RADIL: variants seen among roughly 807,000 people sequenced by gnomAD.
RADIL encodes the protein ras-associating and dilute domain-containing protein.
A neutral mutation model predicts 97.6 loss-of-function variants in RADIL; 99 were observed. That is an observed-to-expected ratio of 1.01 (90% confidence interval 0.86 to 1.20). RADIL has a LOEUF of 1.20. Ranked by LOEUF, RADIL falls within the 50% of genes most tolerant of loss-of-function variation. RADIL has a pLI of 0.00. For synonymous variants in RADIL, 803 were observed against 691.8 expected, an observed-to-expected ratio of 1.16 and a Z score of -2.52; for missense variants, 1,765 against 1,498.9, an observed-to-expected ratio of 1.18 and a Z score of -2.93.
At chr7:4,816,502 C>T (rs191075938) in intron 7 of RADIL, 37 bp from the exon 8 acceptor site, 1 of 1,560,996 alleles carries the variant, frequency 6.4e-7, no homozygotes, top group East Asian at 2.3e-5. Flanking sequence ...ACCAGCATTT[C>T]CAGGAGCGCT....
At chr7:4,857,958 T>C (rs1783874027) in intron 2 of RADIL, 1 of 152,634 alleles carries the variant, frequency 6.6e-6, no homozygotes, top group South Asian at 2.1e-4. Context: ...TTACAGGTAA[T>C]GTTTAATAAA....
chr7:4,847,739 CAAAAAAAAAAAAA>C (rs56177809), intron 2 of RADIL, among the ~76,000 whole-genome samples: 4 of 23,794 alleles, frequency 1.7e-4, no homozygotes, highest in African/African-American at 6.3e-4. Flanking sequence ...AAGCTAGATG[CAAAAAAAAAAAAA>C]AAAAAAAAAA....
At chr7:4,809,727 G>A (rs1412543453) in intron 9 of RADIL, 2 of 773,436 alleles carry the variant, frequency 2.6e-6, no homozygotes, top group Admixed American at 6.2e-5. Flanking sequence ...CTGTCGCCCA[G>A]GCCGGAGTGC....
At chr7:4,806,075 T>C (rs564038786) in intron 9 of RADIL, 1 of 984,702 alleles carries the variant, frequency 1.0e-6, no homozygotes, top group Admixed American at 6.1e-5. Context: ...AAGAAATCAA[T>C]CAAGTCGGCT....
rs1353604132 is a variant in RADIL at position 4,797,835 on chromosome 7, A to T, written c.*1543T>A. The stretch of plus-strand genomic sequence containing the variant: ...CTCTACTAAAAGTACTAAATTAGCC[A>T]AGCGTGGTGGCAGGCGCCTGTAATC... On this transcript the variant is annotated 3_prime_UTR_variant, in exon 15 of 15. Transcript: ENST00000399583. 1.3e-5 allele frequency: 2 copies of T among 152,010 alleles called. No individual in the cohort carries two copies. The highest frequency in any genetic ancestry group is 2.9e-5 in the Non-Finnish European group (2 of 68,008). 9.4% of individuals were successfully genotyped at this position (152,010 alleles called of 1,614,324 possible).
chr7:4,865,053 C>G (rs918690931), intron 2 of RADIL, among the ~76,000 whole-genome samples: 3 of 152,242 alleles, frequency 2.0e-5, no homozygotes, highest in African/African-American at 7.2e-5. Flanking sequence ...TTCATTCTCT[C>G]TCATCCCTGG....
intron 5 of RADIL, among the ~76,000 whole-genome samples, chr7:4,827,189 A>G (rs746406776): frequency 5.3e-5 from 8 of 151,572 alleles, no homozygotes; most frequent in Non-Finnish European, 1.0e-4. Context: ...ACATGGTGAA[A>G]CCCCGTCTTT....
intron 13 of RADIL, 67 bp downstream of exon 13, chr7:4,800,104 G>GGCTTGCATGAACAGGCGGGGCCAT: frequency 6.5e-7 from 1 of 1,545,458 alleles, no homozygotes; most frequent in Non-Finnish European, 8.6e-7. Context: ...GCTGCGGCCA[G>GGCTTGCATGAACAGGCGGGGCCAT]GCTTGCATGA....
chr7:4,876,689 C>G (rs113271098), intron 2 of RADIL, among the ~76,000 whole-genome samples: 336 of 152,362 alleles, frequency 2.2e-3, no homozygotes, highest in Non-Finnish European at 4.0e-3. Flanking sequence ...GGCCCCAGGC[C>G]CCGGGGCTCT....
At position 4,845,069 on chromosome 7, in the gene RADIL, A is replaced by T. The variant is rs577287646; in HGVS notation, c.536-8464T>A. 5.9e-5 allele frequency among the ~76,000 whole-genome samples: 9 copies of T among 151,490 alleles called. No individual in the cohort carries two copies. In the East Asian group the frequency reaches 1.7e-3, roughly 29 times the overall value. On this transcript the variant is annotated intron_variant, in intron 2 of 14. Coordinates refer to ENST00000399583, the MANE Select transcript of RADIL (RefSeq NM_018059.5). ...AAAAAAAAAGGAAGAAAGAAGCGAG[A>T]GGTGTCCTGTATATGAAAATTATAT...
In RADIL at chr7:4,799,764, C is replaced by T. The variant is rs757360061; in HGVS notation, c.2988G>A (p.Thr996=). ...TGTAGAGCCCGGGGGCGCCCAGGTG[C>T]GTGTGCTGGGGACAAGCAGAGGCCT... is the stretch of plus-strand genomic sequence containing the variant. The part of the protein sequence containing the change: ...LGMGLIDGMH[T]HLGAPGLYIQ... The change falls in exon 14 of 15, where the codon ACG becomes ACA. Residue 996 remains threonine, a synonymous_variant. Transcript: ENST00000399583. The T allele has an allele frequency of 2.8e-5, 43 of 1,532,016 alleles. No homozygotes were observed. The highest frequency in any genetic ancestry group is 5.5e-5 in the African/African-American group (4 of 72,900). The allele number at this position is 1,532,016 out of a possible 1,614,324, so 94.9% of individuals were successfully genotyped here.
In RADIL at chr7:4,861,652, G is replaced by C. The variant is rs368004972; in HGVS notation, c.535+15953C>G. The stretch of plus-strand genomic sequence containing the variant: ...TGCGCTGCAGTTCCTCTTCCTCTTC[G>C]AAGACCCCGAAGGGCCTGAGGGTTT... On this transcript the variant is annotated intron_variant, in intron 2 of 14. Transcript: ENST00000399583. The C allele has an allele frequency of 8.2e-5, 132 of 1,605,026 alleles. No homozygotes were observed. Among genetic ancestry groups the C allele is most frequent in the Non-Finnish European group, 1.0e-4 (120 of 1,175,926 alleles).
intron 9 of RADIL, among the ~76,000 whole-genome samples, chr7:4,810,270 T>A (rs1284635046): frequency 6.6e-6 from 1 of 152,118 alleles, no homozygotes; most frequent in Non-Finnish European, 1.5e-5. Context: ...GCAATTCTCC[T>A]GCCTCAGCCT....
At chr7:4,861,580 T>C in intron 2 of RADIL, 1 of 1,613,426 alleles carries the variant, frequency 6.2e-7, no homozygotes, top group Non-Finnish European at 8.5e-7. Flanking sequence ...TGATTTCGCG[T>C]ATCCATTCCT....
chr7:4,806,110 C>T (rs776068794), intron 9 of RADIL: 5 of 920,592 alleles, frequency 5.4e-6, no homozygotes, highest in African/African-American at 1.8e-5. Flanking sequence ...AAGGCAGGGA[C>T]ATTCATCATT....
intron 9 of RADIL, among the ~76,000 whole-genome samples, chr7:4,811,797 T>G (rs1782557018): frequency 6.6e-6 from 1 of 152,106 alleles, no homozygotes; most frequent in Admixed American, 6.5e-5. Flanking sequence ...TAATTCTTCT[T>G]TAATGTTTAA....
chr7:4,859,858 T>C (rs752149206), intron 2 of RADIL: 3 of 1,413,242 alleles, frequency 2.1e-6, no homozygotes, highest in Middle Eastern at 1.8e-4. Flanking sequence ...TTCTTGGTCC[T>C]TTCTTCTTTA....
rs1782841216 is a variant in RADIL, at chr7:4,821,837, C to A, written c.1615+557G>T. ...CACCATTGCACTCCAGCCTGGGTGACAGAGCGAGACTCCGTCTCAAAAAAA... is the reference window on the plus strand; with the variant it reads ...CACCATTGCACTCCAGCCTGGGTGAAAGAGCGAGACTCCGTCTCAAAAAAA... On this transcript the variant is annotated intron_variant, in intron 6 of 14. Transcript: ENST00000399583. The surrounding 1 kb of genome is among the most constrained non-coding windows in gnomAD (Gnocchi z 5.2). Among the ~76,000 whole-genome samples, 1 of 152,116 alleles carries A rather than the reference C, an allele frequency of 6.6e-6. No homozygotes were observed. Among genetic ancestry groups the A allele is most frequent in the African/African-American group, 2.4e-5 (1 of 41,428 alleles).
At chr7:4,860,442 G>C (rs776674843) in intron 2 of RADIL, 6 of 1,614,042 alleles carry the variant, frequency 3.7e-6, no homozygotes, top group Non-Finnish European at 4.2e-6. Context: ...TCATAGGTGA[G>C]ATCAATGCTG....
Sources: allele counts gnomAD v4.1 joint callset (sites outside exome capture counted in the v4.1 genomes callset), GRCh38; gene constraint gnomAD v4.1.1; non-coding constraint Gnocchi (gnomAD v3.1); transcripts MANE v1.5; gene names NCBI Gene and HGNC (gene_info 2026-07-23, HGNC 2026-07-21).